The following KIAA1217 variants were observed in gnomAD, a reference collection of about 807,000 sequenced individuals.
KIAA1217 encodes the protein sickle tail protein homolog.
In KIAA1217, 88 loss-of-function variants were observed where a neutral mutation model predicts 163.9. The ratio of observed to expected loss-of-function variants is 0.54; its 90% CI spans 0.45 to 0.64. The LOEUF (loss-of-function observed/expected upper bound fraction) is 0.64. Among genes scored for constraint, KIAA1217 ranks in the 30% least tolerant of loss-of-function variants. KIAA1217 has a pLI of 0.00. For synonymous variants in KIAA1217, 903 were observed against 923.1 expected (o/e 0.98, Z 0.39); for missense variants, 2,372 against 2,475.0 (o/e 0.96, Z 0.88).
chr10:24,120,293 G>A (rs1412889216), intron 2 of KIAA1217, among the ~76,000 whole-genome samples: 3 of 152,190 alleles, frequency 2.0e-5, no homozygotes, highest in South Asian at 2.1e-4. Flanking sequence ...CCACTTTTGA[G>A]AGCATTTGTG....
rs35481656 is a variant in KIAA1217, at chr10:24,001,069, AACACAC to A, written c.-320-6134_-320-6129del. Among the ~76,000 whole-genome samples, 5 of 149,310 alleles carry A rather than the reference AACACAC, an allele frequency of 3.3e-5. No homozygotes were observed. In the South Asian group the frequency reaches 6.4e-4, roughly 19 times the overall value. On this transcript the variant is annotated intron_variant, in intron 1 of 18. Transcript: ENST00000376462. Reference sequence around the variant, plus strand: ...CAGAATAGGGCCAGACTGCAAAGTAAACACACACACACACACACACACACACAGCTG... The same window carrying A: ...CAGAATAGGGCCAGACTGCAAAGTAAACACACACACACACACACACAGCTG...
intron 2 of KIAA1217, among the ~76,000 whole-genome samples, chr10:24,353,819 T>C (rs1303716383): frequency 6.6e-6 from 1 of 152,238 alleles, no homozygotes; most frequent in African/African-American, 2.4e-5. Flanking sequence ...TTACACTTCT[T>C]CAAGAACTCC....
intron 2 of KIAA1217, among the ~76,000 whole-genome samples, chr10:24,302,176 T>G (rs568688180): frequency 2.0e-5 from 3 of 152,254 alleles, no homozygotes; most frequent in African/African-American, 7.2e-5. Context: ...ATACAGTTTA[T>G]ATAGCATTTT....
At chr10:24,237,304 G>A (rs2072421258) in intron 2 of KIAA1217, among the ~76,000 whole-genome samples, 1 of 152,182 alleles carries the variant, frequency 6.6e-6, no homozygotes, top group African/African-American at 2.4e-5. Flanking sequence ...GCTCTAAGTT[G>A]TTCAAGATCT....
At chr10:23,835,474 G>A (rs1838400564) in intron 1 of KIAA1217, among the ~76,000 whole-genome samples, 1 of 152,058 alleles carries the variant, frequency 6.6e-6, no homozygotes, top group African/African-American at 2.4e-5. Context: ...TTAGTACCTG[G>A]CAGGTCTGTG....
rs114425590 is a variant in KIAA1217, at chr10:23,789,708, G to A, written c.-321+94474G>A. 7.0e-3 allele frequency among the ~76,000 whole-genome samples: 1,057 copies of A among 151,884 alleles called. 9 individuals are homozygous for A. Among genetic ancestry groups the A allele is most frequent in the African/African-American group, 0.023 (966 of 41,372 alleles). ...TGATATTTCAAACCCTCATAATTGC[G>A]CTGACTCTGAGTTCATCACTGAGAA... On this transcript the variant is annotated intron_variant, in intron 1 of 18. Coordinates refer to the KIAA1217 transcript ENST00000376462.
At chr10:24,426,381 G>A (rs2059169202) in intron 3 of KIAA1217, among the ~76,000 whole-genome samples, 1 of 152,124 alleles carries the variant, frequency 6.6e-6, no homozygotes, top group Non-Finnish European at 1.5e-5. Context: ...TAGCACTGTG[G>A]GAGGTCAAGG....
intron 6 of KIAA1217, among the ~76,000 whole-genome samples, chr10:24,475,350 G>A (rs981488457): frequency 1.3e-5 from 2 of 152,194 alleles, no homozygotes; most frequent in African/African-American, 4.8e-5. Context: ...CCAAAATTGT[G>A]AATGGAATGT....
rs138840233 is a variant in KIAA1217, at chr10:23,886,644, A to G, written c.-320-120581A>G. Among the ~76,000 whole-genome samples the G allele has an allele frequency of 3.5e-4, 53 of 152,110 alleles. No homozygotes were observed. The East Asian group carries it at 9.2e-3, about 26-fold the overall frequency. On this transcript the variant is annotated intron_variant, in intron 1 of 18. Transcript: ENST00000376462. ...TTAATGACAGTTGAACAGGAGAAAC[A>G]CAAACTTCAGGTTGAGGTTGATTTT...
intron 1 of KIAA1217, among the ~76,000 whole-genome samples, chr10:23,819,093 A>G (rs1438336196): frequency 6.6e-6 from 1 of 152,224 alleles, no homozygotes; most frequent in East Asian, 1.9e-4. Context: ...TAAGAAAGCA[A>G]TTGAGGAATT....
intron 2 of KIAA1217, among the ~76,000 whole-genome samples, chr10:24,315,167 G>A (rs1334735106): frequency 6.6e-6 from 1 of 152,106 alleles, no homozygotes; most frequent in African/African-American, 2.4e-5. Context: ...AGAAGTGGGT[G>A]CAAGACAGCA....
intron 2 of KIAA1217, among the ~76,000 whole-genome samples, chr10:24,331,336 A>G (rs11014033): frequency 0.14 from 21,960 of 152,292 alleles, 2,026 homozygotes; most frequent in East Asian, 0.4. Context: ...TTGGATAAGC[A>G]TTTGGTCATG....
At chr10:23,951,504 T>A (rs1844334818) in intron 1 of KIAA1217, among the ~76,000 whole-genome samples, 3 of 151,998 alleles carry the variant, frequency 2.0e-5, no homozygotes, top group Admixed American at 6.6e-5. Context: ...AATACAAAAA[T>A]TATGCCAGCA....
chr10:24,218,796 G>T (rs2130834171), intron 1 of KIAA1217, among the ~76,000 whole-genome samples: 1 of 152,118 alleles, frequency 6.6e-6, no homozygotes, highest in Middle Eastern at 3.4e-3. Flanking sequence ...GCCCTCGATT[G>T]TTACTTCTGA....
intron 2 of KIAA1217, among the ~76,000 whole-genome samples, chr10:24,066,582 C>T (rs963013455): frequency 1.8e-4 from 28 of 152,068 alleles, no homozygotes; most frequent in African/African-American, 6.3e-4. Flanking sequence ...AACATTTTTT[C>T]CTTCATTTCA....
intron 1 of KIAA1217, among the ~76,000 whole-genome samples, chr10:23,880,764 A>T (rs1192065466): frequency 1.3e-5 from 2 of 151,920 alleles, no homozygotes; most frequent in South Asian, 4.1e-4. Flanking sequence ...AAATTAAAAG[A>T]AGAAAACAAC....
intron 2 of KIAA1217, among the ~76,000 whole-genome samples, chr10:24,087,544 C>A (rs78297896): frequency 0.025 from 3,865 of 152,214 alleles, 155 homozygotes; most frequent in African/African-American, 0.089. Context: ...GAGTGCTTGG[C>A]AAACATAATA....
At chr10:23,972,964 G>A (rs1248344231) in intron 1 of KIAA1217, among the ~76,000 whole-genome samples, 1 of 152,130 alleles carries the variant, frequency 6.6e-6, no homozygotes, top group African/African-American at 2.4e-5. Context: ...TTGGGGTTTG[G>A]GGGTGAGGGG....
At chr10:24,007,447 A>G (rs1317235331) in intron 2 of KIAA1217, 2 of 152,244 alleles carry the variant, frequency 1.3e-5, no homozygotes, top group African/African-American at 4.8e-5. Context: ...TATGAGCTGT[A>G]GGCCTATCTA....
Sources: allele counts gnomAD v4.1 joint callset (sites outside exome capture counted in the v4.1 genomes callset), GRCh38; gene constraint gnomAD v4.1.1; transcripts MANE v1.5; gene names NCBI Gene and HGNC (gene_info 2026-07-23, HGNC 2026-07-21).